ANKS1B: variants seen among roughly 807,000 people sequenced by gnomAD.
ANKS1B encodes the protein ankyrin repeat and sterile alpha motif domain containing 1B.
In ANKS1B, 36 loss-of-function variants were observed where a neutral mutation model predicts 148.3. The ratio of observed to expected loss-of-function variants is 0.24; its 90% CI spans 0.19 to 0.32. The LOEUF (loss-of-function observed/expected upper bound fraction) is 0.32. Among genes scored for constraint, ANKS1B ranks in the 10% least tolerant of loss-of-function variants. ANKS1B has a pLI of 1.00. For synonymous variants in ANKS1B, 542 were observed against 560.8 expected, an observed-to-expected ratio of 0.97 and a Z score of 0.47; for missense variants, 1,157 against 1,542.6, an observed-to-expected ratio of 0.75 and a Z score of 4.19.
At chr12:98,769,819 C>G (rs531008184) in intron 25 of ANKS1B, among the ~76,000 whole-genome samples, 1 of 152,122 alleles carries the variant, frequency 6.6e-6, no homozygotes, top group Non-Finnish European at 1.5e-5. Context: ...AAAAAGGTGG[C>G]GTTCATCCTG....
In ANKS1B at chr12:98,801,698, T is replaced by A. The variant is rs2099006083; in HGVS notation, c.3142-573A>T. Among the ~76,000 whole-genome samples, 1 of 152,252 alleles carries A rather than the reference T, an allele frequency of 6.6e-6. No individual in the cohort carries two copies. Among genetic ancestry groups the A allele is most frequent in the African/African-American group, 2.4e-5 (1 of 41,466 alleles). ...TTCAATTGCACTGATTTAATGATGC[T>A]GTCTCAGATGGATTCAGCTACTTTT... On this transcript the variant is annotated intron_variant, in intron 20 of 26. Transcript: ENST00000683438. This position sits in a 1 kb window ranked among gnomAD's most constrained non-coding sequence, Gnocchi z 5.2.
chr12:99,041,298 G>A (rs1438744599), intron 17 of ANKS1B, among the ~76,000 whole-genome samples: 1 of 152,272 alleles, frequency 6.6e-6, no homozygotes, highest in East Asian at 1.9e-4. Context: ...CACTCTGAGC[G>A]AAGAGTGGAT....
At chr12:99,399,545 G>T in intron 12 of ANKS1B, 86 bp downstream of exon 12, 1 of 1,410,328 alleles carries the variant, frequency 7.1e-7, no homozygotes, top group Admixed American at 2.1e-5. Context: ...AATGCAATTT[G>T]TACGAAGACT....
chr12:99,058,623 A>C (rs1264999733), intron 16 of ANKS1B, among the ~76,000 whole-genome samples: 1 of 149,262 alleles, frequency 6.7e-6, no homozygotes, highest in African/African-American at 2.5e-5. Context: ...GGCATAATCC[A>C]CTGTACATGT....
intron 8 of ANKS1B, among the ~76,000 whole-genome samples, chr12:99,726,010 G>A (rs1178259042): frequency 6.6e-6 from 1 of 151,686 alleles, no homozygotes; most frequent in Non-Finnish European, 1.5e-5. Context: ...TAAGAGGGTA[G>A]CACTAAATCC....
chr12:99,624,053 T>C (rs1168784362), intron 9 of ANKS1B, among the ~76,000 whole-genome samples: 3 of 151,770 alleles, frequency 2.0e-5, no homozygotes, highest in South Asian at 2.1e-4. Context: ...CTTACAAAAA[T>C]AGACATATAA....
At chr12:98,846,045 T>C (rs1480279111) in intron 17 of ANKS1B, among the ~76,000 whole-genome samples, 3 of 151,870 alleles carry the variant, frequency 2.0e-5, no homozygotes, top group Non-Finnish European at 2.9e-5. Flanking sequence ...TATGTATATT[T>C]TGTTCTTTCC....
rs368034172 is a variant in ANKS1B, at chr12:99,859,954, A to G, written c.135-34565T>C. ...TGGGCCACCGCGCCCGGCCGAAAGT[A>G]TTTTTAAAACAACTTACAATTTCAG... On this transcript the variant is annotated intron_variant, in intron 1 of 26. Transcript: ENST00000683438. Among the ~76,000 whole-genome samples the G allele has an allele frequency of 3.3e-5, 5 of 152,314 alleles. No individual in the cohort carries two copies. The East Asian group carries it at 9.6e-4, about 29-fold the overall frequency.
chr12:99,245,229 T>G (rs776290435), intron 13 of ANKS1B, among the ~76,000 whole-genome samples: 1 of 152,144 alleles, frequency 6.6e-6, no homozygotes, highest in African/African-American at 2.4e-5. Context: ...CATCTAGTCA[T>G]GAAAACAACT....
At chr12:99,255,333 C>T (rs1206553231) in intron 12 of ANKS1B, among the ~76,000 whole-genome samples, 1 of 151,674 alleles carries the variant, frequency 6.6e-6, no homozygotes, top group Non-Finnish European at 1.5e-5. Flanking sequence ...GTAGATTTAC[C>T]CCCTTTTCTT....
At chr12:99,943,466 T>TAAAGA (rs1763270772) in intron 1 of ANKS1B, among the ~76,000 whole-genome samples, 7 of 152,146 alleles carry the variant, frequency 4.6e-5, no homozygotes, top group Admixed American at 4.6e-4. Context: ...CACTGGGTAA[T>TAAAGA]TTATAAAGGA....
Position 99,504,538 on chromosome 12 carries a change from T to C in ANKS1B, c.1376A>G (p.Asp459Gly), listed in dbSNP as rs1330888626. The change falls in exon 10 of 27, where the codon GAC becomes GGC. Residue 459 changes from aspartate (D) to glycine (G), a missense_variant. Asp to Gly is a moderately conservative substitution (Grantham distance 94). Around this residue, in one of 6 missense-constraint regions of ANKS1B, gnomAD observed 661 missense variants for 642.1 expected, o/e 1.03. Transcript: ENST00000683438. ...GCAAGGTTTCTTTGTAACAGCTGTGTCCATGAGATCACACAGAAAGTTCTC... is the reference window on the plus strand; with the variant it reads ...GCAAGGTTTCTTTGTAACAGCTGTGCCCATGAGATCACACAGAAAGTTCTC... ...ENENFLCDLMDTAVTKKPCSL... is the reference protein window; with the variant it reads ...ENENFLCDLMGTAVTKKPCSL... The C allele has an allele frequency of 9.3e-6, 15 of 1,613,030 alleles. No individual in the cohort carries two copies. The highest frequency in any genetic ancestry group is 1.2e-5 in the Non-Finnish European group (14 of 1,179,518).
chr12:99,370,289 T>C (rs781690074), intron 12 of ANKS1B, among the ~76,000 whole-genome samples: 5 of 152,066 alleles, frequency 3.3e-5, no homozygotes, highest in Admixed American at 2.0e-4. Context: ...ACTTAAAAAA[T>C]AGAGAGCATT....
At chr12:99,577,744 A>G (rs922991764) in intron 9 of ANKS1B, among the ~76,000 whole-genome samples, 16 of 152,028 alleles carry the variant, frequency 1.1e-4, no homozygotes, top group African/African-American at 3.4e-4. Flanking sequence ...AATAAACCCT[A>G]CCAACAGAAA....
chr12:99,026,695 GA>G, intron 17 of ANKS1B, among the ~76,000 whole-genome samples: 1 of 152,252 alleles, frequency 6.6e-6, no homozygotes, highest in Admixed American at 6.5e-5. Flanking sequence ...CATGTTACCT[GA>G]ACAGGGAGTC....
intron 11 of ANKS1B, among the ~76,000 whole-genome samples, chr12:99,413,360 G>A (rs1014846705): frequency 6.6e-6 from 1 of 152,046 alleles, no homozygotes; most frequent in Non-Finnish European, 1.5e-5. Context: ...CATTTTCCCC[G>A]AAAGACACCA....
chr12:99,100,603 C>A (rs905725643), intron 15 of ANKS1B, among the ~76,000 whole-genome samples: 1 of 152,218 alleles, frequency 6.6e-6, no homozygotes, highest in Non-Finnish European at 1.5e-5. Context: ...GATCTTGGCT[C>A]ATTGCAACCT....
chr12:99,925,101 T>C (rs1184021273), intron 1 of ANKS1B, among the ~76,000 whole-genome samples: 3 of 152,086 alleles, frequency 2.0e-5, no homozygotes, highest in Admixed American at 6.6e-5. Flanking sequence ...GGGGCTGGCT[T>C]ACACTGGAGC....
chr12:99,106,864 A>T (rs1446312987), intron 15 of ANKS1B, among the ~76,000 whole-genome samples: 2 of 152,102 alleles, frequency 1.3e-5, no homozygotes, highest in African/African-American at 4.8e-5. Context: ...TCTGTAGATC[A>T]TTTTTTTCCA....
Sources: allele counts gnomAD v4.1 joint callset (sites outside exome capture counted in the v4.1 genomes callset), GRCh38; gene constraint gnomAD v4.1.1; regional missense constraint gnomAD v4.1.1; non-coding constraint Gnocchi (gnomAD v3.1); transcripts MANE v1.5; gene names NCBI Gene and HGNC (gene_info 2026-07-23, HGNC 2026-07-21).